Variants in HMG20A observed in about 807,000 individuals in gnomAD.
The protein encoded by HMG20A is high mobility group protein 20A.
In HMG20A, 17 loss-of-function variants were observed where a neutral mutation model predicts 43.9. The ratio of observed to expected loss-of-function variants is 0.39; its 90% CI spans 0.27 to 0.58. HMG20A has a LOEUF of 0.58. Among genes scored for constraint, HMG20A ranks in the 20% least tolerant of loss-of-function variants. The probability of loss-of-function intolerance (pLI) is 0.59; values close to 1 mark genes in which losing one functional copy is unlikely to be tolerated. For missense variants in HMG20A, 341 were observed against 438.2 expected (o/e 0.78, Z 1.98); for synonymous variants, 132 against 147.5 (o/e 0.89, Z 0.76).
chr15:77,507,753 G>A, the HMG20A span, among the ~76,000 whole-genome samples: 3 of 152,170 alleles, frequency 2.0e-5, no homozygotes, highest in Non-Finnish European at 4.4e-5. Context: ...TCACAGGTGC[G>A]GGCAGAGTGG....
chr15:77,500,450 C>T, the HMG20A span, among the ~76,000 whole-genome samples: 15 of 152,172 alleles, frequency 9.9e-5, no homozygotes, highest in Admixed American at 8.5e-4. Context: ...GGGCCTATCC[C>T]ATAGTGGGTG....
At position 77,468,377 on chromosome 15, in the gene HMG20A, GT is replaced by G. The variant is rs1396011847; in HGVS notation, c.450+1073del. Among the ~76,000 whole-genome samples, 3 of 152,036 alleles carry G rather than the reference GT, an allele frequency of 2.0e-5. No individual in the cohort carries two copies. The South Asian group carries it at 6.2e-4, about 32-fold the overall frequency. ...CTATTACGTAGGACAAAGGTTTTGT[GT>G]TTGTTTTTGTTTTTTTAACTTTTTT... On this transcript the variant is annotated intron_variant, in intron 4 of 9. Coordinates refer to ENST00000336216, the MANE Select transcript of HMG20A (RefSeq NM_001304504.2).
the HMG20A span, among the ~76,000 whole-genome samples, chr15:77,510,380 G>A: frequency 6.6e-6 from 1 of 152,212 alleles, no homozygotes; most frequent in East Asian, 1.9e-4. Context: ...TCCCTGTGGT[G>A]GTGGAAGCCA....
At chr15:77,458,641 C>A in intron 2 of HMG20A, 145 bp downstream of exon 2, 1 of 530,642 alleles carries the variant, frequency 1.9e-6, no homozygotes, top group Non-Finnish European at 3.3e-6. Flanking sequence ...TGACAGCCAT[C>A]ATAAACCACT....
chr15:77,508,354 A>G, the HMG20A span, among the ~76,000 whole-genome samples: 1 of 152,190 alleles, frequency 6.6e-6, no homozygotes, highest in Non-Finnish European at 1.5e-5. Context: ...TGCTTCTTGC[A>G]GGTAATAGTT....
intron 6 of HMG20A, 21 bp downstream of exon 6, chr15:77,471,835 A>G (rs1324839589): frequency 1.4e-6 from 2 of 1,387,028 alleles, no homozygotes; most frequent in Non-Finnish European, 2.0e-6. Flanking sequence ...ATCTGTCTAC[A>G]TATCATATAT....
At chr15:77,433,489 G>A (rs1419258295) in intron 1 of HMG20A, among the ~76,000 whole-genome samples, 2 of 152,078 alleles carry the variant, frequency 1.3e-5, no homozygotes, top group African/African-American at 4.8e-5. Flanking sequence ...GATCATCTAA[G>A]CCTTAATGCC....
intron 1 of HMG20A, among the ~76,000 whole-genome samples, chr15:77,431,203 AT>A (rs1240033701): frequency 6.6e-6 from 1 of 151,808 alleles, no homozygotes; most frequent in Non-Finnish European, 1.5e-5. Flanking sequence ...TGGTTTATTT[AT>A]TTTTTATTTT....
chr15:77,474,692 G>A (rs973365022), intron 6 of HMG20A, among the ~76,000 whole-genome samples: 36 of 152,302 alleles, frequency 2.4e-4, no homozygotes, highest in Admixed American at 2.1e-3. Flanking sequence ...GCAGGTACTG[G>A]AGAGGGCATA....
intron 4 of HMG20A, among the ~76,000 whole-genome samples, chr15:77,470,668 A>G (rs987147268): frequency 1.3e-5 from 2 of 152,218 alleles, no homozygotes; most frequent in Admixed American, 1.3e-4. Flanking sequence ...ACTTGTCTTC[A>G]TTAGGTTAGA....
intron 1 of HMG20A, among the ~76,000 whole-genome samples, chr15:77,428,470 G>A (rs1567388305): frequency 1.3e-5 from 2 of 152,150 alleles, no homozygotes; most frequent in African/African-American, 4.8e-5. Context: ...TCAAAGCATA[G>A]CGTGTAAGAC....
At chr15:77,442,982 A>G (rs1319194041) in intron 1 of HMG20A, among the ~76,000 whole-genome samples, 2 of 152,036 alleles carry the variant, frequency 1.3e-5, no homozygotes, top group Non-Finnish European at 2.9e-5. Flanking sequence ...AAAGATTGGA[A>G]AGTAATTATT....
intron 1 of HMG20A, 73 bp from the exon 2 acceptor site, chr15:77,458,331 G>C (rs1474814224): frequency 5.4e-6 from 5 of 928,512 alleles, no homozygotes; most frequent in Non-Finnish European, 5.2e-6. Flanking sequence ...AAGAAGGCTG[G>C]CTCTTAAATT....
the HMG20A span, among the ~76,000 whole-genome samples, chr15:77,511,597 A>G: frequency 6.6e-6 from 1 of 152,222 alleles, no homozygotes; most frequent in African/African-American, 2.4e-5. Flanking sequence ...AACCCAATTA[A>G]AAAGGACTTC....
chr15:77,497,682 A>T, the HMG20A span, among the ~76,000 whole-genome samples: 9,772 of 118,860 alleles, frequency 0.082, 426 homozygotes, highest in Non-Finnish European at 0.11. Flanking sequence ...AGAGAGAGAG[A>T]GTGTGTGTGT....
At chr15:77,474,203 G>A in intron 6 of HMG20A, among the ~76,000 whole-genome samples, 1 of 152,118 alleles carries the variant, frequency 6.6e-6, no homozygotes, top group East Asian at 1.9e-4. Flanking sequence ...CTCAGGGTGG[G>A]TAAAATGGCT....
At chr15:77,443,370 G>T (rs571905089) in intron 1 of HMG20A, among the ~76,000 whole-genome samples, 1,273 of 124,714 alleles carry the variant, frequency 0.01, 6 homozygotes, top group Middle Eastern at 0.028. Context: ...TGATGATGAT[G>T]ATGATGATGA....
At chr15:77,446,005 GT>G (rs1490586419) in intron 1 of HMG20A, among the ~76,000 whole-genome samples, 2 of 152,226 alleles carry the variant, frequency 1.3e-5, no homozygotes, top group Non-Finnish European at 2.9e-5. Context: ...TGCTGATTGA[GT>G]TGCTTTTCGC....
the HMG20A span, among the ~76,000 whole-genome samples, chr15:77,499,856 G>T: frequency 6.6e-6 from 1 of 150,436 alleles, no homozygotes; most frequent in Non-Finnish European, 1.5e-5. Context: ...TTGAGACAGG[G>T]TCTCACTCTG....
Sources: gnomAD v4.1 joint callset for allele counts (sites outside exome capture counted in the v4.1 genomes callset) on GRCh38, gnomAD v4.1.1 for gene constraint, MANE v1.5 for transcripts, NCBI Gene and HGNC (gene_info 2026-07-23, HGNC 2026-07-21) for gene names.